PCDH15: variants seen among roughly 807,000 people sequenced by gnomAD.
PCDH15 encodes the protein protocadherin related 15.
In PCDH15, 129 loss-of-function variants were observed where a neutral mutation model predicts 178.5. The ratio of observed to expected loss-of-function variants is 0.72; its 90% CI spans 0.63 to 0.84. PCDH15 has a LOEUF of 0.84. Ranked by LOEUF, PCDH15 falls within the 40% of genes least tolerant of loss-of-function variation. PCDH15 has a pLI of 0.00. For missense variants in PCDH15, 2,230 were observed against 2,099.9 expected (o/e 1.06, Z -1.21); for synonymous variants, 800 against 732.0 (o/e 1.09, Z -1.50).
At chr10:54,766,628 T>G (rs1457046714) in intron 1 of PCDH15, among the ~76,000 whole-genome samples, 1 of 151,770 alleles carries the variant, frequency 6.6e-6, no homozygotes, top group African/African-American at 2.4e-5. Flanking sequence ...GGGTCAGAAG[T>G]TAAAAAAAGT....
rs1055163791 is a variant in PCDH15, at chr10:54,823,221, A to ACACACG, written c.-29+74223_-29+74228dup. On this transcript the variant is annotated intron_variant, in intron 3 of 5. Coordinates refer to the PCDH15 transcript ENST00000458638. ...CACCAGCATAAACACACACACACAC[A>ACACACG]CACACGCACACGCACACGCACACGC... 8.6e-5 allele frequency among the ~76,000 whole-genome samples: 13 copies of ACACACG among 151,424 alleles called. No individual in the cohort carries two copies. In the East Asian group the frequency reaches 1.2e-3, roughly 14 times the overall value.
chr10:53,938,703 G>A (rs1311125529), intron 25 of PCDH15, 112 bp downstream of exon 25: 19 of 1,160,610 alleles, frequency 1.6e-5, no homozygotes, highest in Non-Finnish European at 2.4e-5. Flanking sequence ...GAGTATTAAT[G>A]ATCTTTCTAT....
At chr10:54,533,608 C>T (rs1332603884) in intron 2 of PCDH15, among the ~76,000 whole-genome samples, 1 of 152,116 alleles carries the variant, frequency 6.6e-6, no homozygotes, top group East Asian at 1.9e-4. Context: ...ATTTCAAATA[C>T]TAAAGTTTAA....
At chr10:54,870,694 A>G (rs1028901658) in intron 3 of PCDH15, among the ~76,000 whole-genome samples, 130 of 152,032 alleles carry the variant, frequency 8.6e-4, no homozygotes, top group Non-Finnish European at 1.5e-3. Context: ...GCTGAGGCAG[A>G]AGAATGGCGT....
chr10:55,159,137 C>A (rs1215459649), intron 2 of PCDH15, among the ~76,000 whole-genome samples: 1 of 151,822 alleles, frequency 6.6e-6, no homozygotes, highest in African/African-American at 2.4e-5. Context: ...TATTTCAGAT[C>A]TTCTGACTGC....
chr10:53,962,102 A>G (rs1248269223), intron 21 of PCDH15, among the ~76,000 whole-genome samples: 1 of 152,072 alleles, frequency 6.6e-6, no homozygotes, highest in Non-Finnish European at 1.5e-5. Flanking sequence ...ACTACAGGTT[A>G]TTTTAAAATG....
At chr10:54,835,515 C>T (rs1354523235) in intron 3 of PCDH15, among the ~76,000 whole-genome samples, 3 of 152,040 alleles carry the variant, frequency 2.0e-5, no homozygotes, top group African/African-American at 2.4e-5. Flanking sequence ...GTCATAGACA[C>T]AGTTCCCCAG....
intron 2 of PCDH15, among the ~76,000 whole-genome samples, chr10:54,969,561 C>T (rs534787583): frequency 2.8e-4 from 42 of 152,160 alleles, no homozygotes; most frequent in Non-Finnish European, 4.9e-4. Flanking sequence ...GAAGACTCTG[C>T]AAATCTCATG....
intron 1 of PCDH15, among the ~76,000 whole-genome samples, chr10:55,319,412 G>C (rs1843824767): frequency 6.6e-6 from 1 of 152,058 alleles, no homozygotes; most frequent in African/African-American, 2.4e-5. Flanking sequence ...AAAACATATA[G>C]AAATTTTAAA....
rs1227921777 is a variant in PCDH15 at position 54,731,541 on chromosome 10, G to GATATATATATAT, written c.-28-67252_-28-67251insATATATATATAT. 8.3e-3 allele frequency among the ~76,000 whole-genome samples: 568 copies of GATATATATATAT among 68,294 alleles called. 73 individuals carry two copies. The highest frequency in any genetic ancestry group is 0.011 in the Admixed American group (79 of 7,010). 44.8% of individuals were successfully genotyped at this position (68,294 alleles called of 152,430 possible). The stretch of plus-strand genomic sequence containing the variant: ...CCATCAATGAATAAAGAAAATGTGA[G>GATATATATATAT]ATAGATATATATATATATATATACA... On this transcript the variant is annotated intron_variant, in intron 1 of 37. Transcript: ENST00000644397.
At chr10:54,301,267 T>A (rs1363562611) in intron 8 of PCDH15, among the ~76,000 whole-genome samples, 2 of 152,164 alleles carry the variant, frequency 1.3e-5, no homozygotes, top group African/African-American at 2.4e-5. Flanking sequence ...CTCTTTGAGG[T>A]AGAGTAAGAC....
At chr10:53,922,267 A>G (rs1357437562) in intron 25 of PCDH15, among the ~76,000 whole-genome samples, 2 of 152,062 alleles carry the variant, frequency 1.3e-5, no homozygotes, top group Non-Finnish European at 2.9e-5. Flanking sequence ...GCTTATTATA[A>G]TTTTGTGTGG....
chr10:54,218,064 T>C (rs34933540), intron 9 of PCDH15, among the ~76,000 whole-genome samples: 661 of 152,314 alleles, frequency 4.3e-3, no homozygotes, highest in Non-Finnish European at 6.2e-3. Flanking sequence ...TTTTGGAGCA[T>C]GCTAGAGAAA....
At chr10:55,567,771 G>T (rs570517603) in intron 2 of PCDH15, among the ~76,000 whole-genome samples, 4 of 151,832 alleles carry the variant, frequency 2.6e-5, no homozygotes, top group Admixed American at 2.6e-4. Context: ...CGATGACTGG[G>T]TGTTCACACA....
intron 2 of PCDH15, among the ~76,000 whole-genome samples, chr10:55,405,464 A>T (rs1027433342): frequency 6.6e-6 from 1 of 151,346 alleles, no homozygotes; most frequent in Non-Finnish European, 1.5e-5. Context: ...AACTTAAATC[A>T]TTTATCTATT....
At chr10:54,603,001 T>C (rs1257546848) in intron 2 of PCDH15, among the ~76,000 whole-genome samples, 3 of 152,048 alleles carry the variant, frequency 2.0e-5, no homozygotes, top group Non-Finnish European at 4.4e-5. Flanking sequence ...TTCCATCATC[T>C]AGATTTTCAA....
At chr10:55,066,576 CTT>C (rs1428996267) in intron 2 of PCDH15, among the ~76,000 whole-genome samples, 1 of 144,694 alleles carries the variant, frequency 6.9e-6, no homozygotes, top group African/African-American at 2.5e-5. Flanking sequence ...ATTTGTGAGT[CTT>C]GGGATTGATT....
At position 54,825,513 on chromosome 10, in the gene PCDH15, C is replaced by T. The variant is rs572441746; in HGVS notation, c.-29+71937G>A. Among the ~76,000 whole-genome samples the T allele has an allele frequency of 2.3e-3, 343 of 147,042 alleles. 1 individual carries two copies. Among genetic ancestry groups the T allele is most frequent in the African/African-American group, 8.4e-3 (334 of 39,728 alleles). On this transcript the variant is annotated intron_variant, in intron 3 of 5. Transcript: ENST00000458638. ...CAACAGTGTAAAAGTGTTCCTATTTCTCCACATCCTCTCCAGCACCTGTTG... is the reference window on the plus strand; with the variant it reads ...CAACAGTGTAAAAGTGTTCCTATTTTTCCACATCCTCTCCAGCACCTGTTG...
intron 3 of PCDH15, among the ~76,000 whole-genome samples, chr10:54,465,863 T>C (rs928474518): frequency 2.6e-5 from 4 of 151,998 alleles, no homozygotes; most frequent in Admixed American, 2.0e-4. Flanking sequence ...CCACCAACAG[T>C]GTATAAGAGT....
Sources: gnomAD v4.1 joint callset for allele counts (sites outside exome capture counted in the v4.1 genomes callset) on GRCh38, gnomAD v4.1.1 for gene constraint, MANE v1.5 for transcripts, NCBI Gene and HGNC (gene_info 2026-07-23, HGNC 2026-07-21) for gene names.